The following VWA3B variants were observed in gnomAD, a reference collection of about 807,000 sequenced individuals.
The protein encoded by VWA3B is von Willebrand factor A domain-containing protein 3B.
A neutral mutation model predicts 158.3 loss-of-function variants in VWA3B; 138 were observed. The ratio of observed to expected loss-of-function variants is 0.87; its 90% confidence interval spans 0.76 to 1.00. VWA3B has a LOEUF of 1.00. VWA3B is among the 50% of genes least tolerant of loss of function. The pLI is 0.00. For missense variants in VWA3B, 1,555 were observed against 1,565.1 expected (o/e 0.99, Z 0.11); for synonymous variants, 596 against 587.3 (o/e 1.01, Z -0.21).
intron 20 of VWA3B, 98 bp downstream of exon 20, chr2:98,250,534 TGAAGCAGC>T: frequency 1.0e-6 from 1 of 956,830 alleles, no homozygotes; most frequent in Non-Finnish European, 1.5e-6. Flanking sequence ...TTTTTTTTAA[TGAAGCAGC>T]TATTTAAAAA....
chr2:98,184,028 A>G (rs1014023443), intron 9 of VWA3B, among the ~76,000 whole-genome samples: 12 of 152,220 alleles, frequency 7.9e-5, no homozygotes, highest in Admixed American at 3.3e-4. Flanking sequence ...CACAGGAGAA[A>G]ACAGTCGCGG....
chr2:98,093,518 A>G (rs1386225207), intron 2 of VWA3B, among the ~76,000 whole-genome samples: 1 of 152,088 alleles, frequency 6.6e-6, no homozygotes, highest in Non-Finnish European at 1.5e-5. Context: ...TTTCTTTTTT[A>G]CTTTTTAAAT....
In VWA3B at chr2:98,236,621, T is replaced by C. The variant is rs760271297; in HGVS notation, c.2564T>C (p.Val855Ala). The change falls in exon 19 of 28, where the codon GTC becomes GCC. Residue 855 changes from valine to alanine, a missense_variant. Val to Ala is a moderately conservative substitution (Grantham distance 64). Coordinates refer to ENST00000477737, the MANE Select transcript of VWA3B (RefSeq NM_144992.5). ...AACTGGCTGAAGACCTATGGCTTGG[T>C]CGCCAAGAAACTCACCCTCATGGAT... The part of the protein sequence containing the change: ...SENWLKTYGL[V>A]AKKLTLMDAL... 14 of 1,614,244 alleles carry C rather than the reference T, an allele frequency of 8.7e-6. No individual in the cohort carries two copies. Among genetic ancestry groups the C allele is most frequent in the Non-Finnish European group, 1.2e-5 (14 of 1,180,050 alleles).
chr2:98,123,095 AG>A (rs1386904245), intron 5 of VWA3B, among the ~76,000 whole-genome samples: 17 of 152,180 alleles, frequency 1.1e-4, no homozygotes, highest in Non-Finnish European at 2.1e-4. Context: ...TGTGTGTGGC[AG>A]GGGGGAGTGG....
At chr2:98,244,844 A>C (rs950483049) in intron 19 of VWA3B, among the ~76,000 whole-genome samples, 2 of 152,178 alleles carry the variant, frequency 1.3e-5, no homozygotes, top group African/African-American at 4.8e-5. Flanking sequence ...ATTGATAATC[A>C]CTATTGAGTA....
intron 21 of VWA3B, among the ~76,000 whole-genome samples, chr2:98,268,569 G>A (rs1688000252): frequency 6.6e-6 from 1 of 151,586 alleles, no homozygotes; most frequent in Non-Finnish European, 1.5e-5. Flanking sequence ...TTTTGTTCAT[G>A]CATCACTTTT....
the VWA3B span, among the ~76,000 whole-genome samples, chr2:98,321,056 G>A: frequency 1.3e-5 from 2 of 152,226 alleles, no homozygotes. Context: ...CATCCCAGCT[G>A]TTTCAGCTTC....
At chr2:98,210,385 G>C (rs1352108236) in intron 12 of VWA3B, among the ~76,000 whole-genome samples, 1 of 152,194 alleles carries the variant, frequency 6.6e-6, no homozygotes, top group African/African-American at 2.4e-5. Context: ...CACAGTGTTA[G>C]GTCGTCATAT....
rs1366526964 is a variant in VWA3B, at chr2:98,157,052, T to C, written c.989-5799T>C. 3.3e-5 allele frequency among the ~76,000 whole-genome samples: 5 copies of C among 152,166 alleles called. No individual in the cohort carries two copies. In the East Asian group the frequency reaches 5.8e-4, roughly 18 times the overall value. ...ACATTTGCATTTTACAGTGTGCCAT[T>C]TAAATGAATTTTGGACAATTAGACT... On this transcript the variant is annotated intron_variant, in intron 7 of 27. Transcript: ENST00000477737.
chr2:98,287,281 C>G (rs532316278), intron 22 of VWA3B, among the ~76,000 whole-genome samples: 1 of 152,166 alleles, frequency 6.6e-6, no homozygotes, highest in Non-Finnish European at 1.5e-5. Context: ...AAACCCACCA[C>G]TAGCTTGGTG....
At chr2:98,216,747 C>G (rs1406085613) in intron 13 of VWA3B, 2 of 475,964 alleles carry the variant, frequency 4.2e-6, no homozygotes, top group African/African-American at 4.0e-5. Flanking sequence ...TTGTGGAATG[C>G]CTTCCAGGGA....
intron 26 of VWA3B, among the ~76,000 whole-genome samples, chr2:98,309,547 C>T (rs745589765): frequency 2.6e-5 from 4 of 152,200 alleles, no homozygotes; most frequent in Non-Finnish European, 5.9e-5. Flanking sequence ...AGTTGAGGAA[C>T]TTTCCATGAA....
intron 19 of VWA3B, among the ~76,000 whole-genome samples, chr2:98,241,222 T>G (rs1686054891): frequency 6.6e-6 from 1 of 151,982 alleles, no homozygotes; most frequent in African/African-American, 2.4e-5. Context: ...GTGGGGGAGC[T>G]TGGGGAATCC....
At chr2:98,134,845 T>A (rs769063409) in intron 7 of VWA3B, among the ~76,000 whole-genome samples, 1 of 151,922 alleles carries the variant, frequency 6.6e-6, no homozygotes, top group Non-Finnish European at 1.5e-5. Context: ...CAGATGGAGA[T>A]AAAAGTGAAG....
intron 25 of VWA3B, among the ~76,000 whole-genome samples, chr2:98,302,935 GA>G (rs1690285893): frequency 6.6e-6 from 1 of 152,222 alleles, no homozygotes; most frequent in East Asian, 1.9e-4. Flanking sequence ...GGCAAGCGGA[GA>G]AGGAGTTGTC....
At chr2:98,244,409 G>A (rs1000784559) in intron 19 of VWA3B, among the ~76,000 whole-genome samples, 7 of 151,970 alleles carry the variant, frequency 4.6e-5, no homozygotes, top group African/African-American at 1.7e-4. Flanking sequence ...TTTGTGAATA[G>A]TTTTCTTATG....
At chr2:98,207,506 T>C in intron 12 of VWA3B, 1 of 511,960 alleles carries the variant, frequency 2.0e-6, no homozygotes, top group Non-Finnish European at 3.9e-6. Context: ...AAGTTGACTG[T>C]GTCTTGAATG....
rs79744683 is a variant in VWA3B at position 98,221,990 on chromosome 2, G to A, written c.2019+3962G>A. 2.3e-4 allele frequency among the ~76,000 whole-genome samples: 35 copies of A among 152,270 alleles called. No individual in the cohort carries two copies. In the East Asian group the frequency reaches 5.8e-3, roughly 25 times the overall value. ...GGCCACGCTCTGCTTTCCCCCATCCGTGGTGTTAGTAATGGGAAGCCTCAC... is the reference window on the plus strand; with the variant it reads ...GGCCACGCTCTGCTTTCCCCCATCCATGGTGTTAGTAATGGGAAGCCTCAC... On this transcript the variant is annotated intron_variant, in intron 14 of 27. Coordinates refer to ENST00000477737, the MANE Select transcript of VWA3B (RefSeq NM_144992.5).
chr2:98,136,253 T>G (rs1676274516), intron 7 of VWA3B, among the ~76,000 whole-genome samples: 1 of 152,238 alleles, frequency 6.6e-6, no homozygotes, highest in South Asian at 2.1e-4. Context: ...ATAAATTTAC[T>G]ATCTTAACCA....
Sources: allele counts gnomAD v4.1 joint callset (sites outside exome capture counted in the v4.1 genomes callset), GRCh38; gene constraint gnomAD v4.1.1; transcripts MANE v1.5; gene names NCBI Gene and HGNC (gene_info 2026-07-23, HGNC 2026-07-21).